Variants in CTNNA3 observed in about 807,000 individuals in gnomAD.
CTNNA3 encodes catenin alpha-3.
In CTNNA3, 76 loss-of-function variants were observed where a neutral mutation model predicts 95.7. The ratio of observed to expected loss-of-function variants is 0.79; its 90% CI spans 0.66 to 0.96. The LOEUF (loss-of-function observed/expected upper bound fraction) is 0.96. Ranked by LOEUF, CTNNA3 falls within the 40% of genes least tolerant of loss-of-function variation. CTNNA3 has a pLI of 0.00. For missense variants in CTNNA3, 1,191 were observed against 1,089.8 expected (o/e 1.09, Z -1.31); for synonymous variants, 431 against 374.4 (o/e 1.15, Z -1.74).
At chr10:67,232,376 A>G (rs879372439) in intron 5 of CTNNA3, among the ~76,000 whole-genome samples, 2,420 of 152,086 alleles carry the variant, frequency 0.016, 23 homozygotes, top group Non-Finnish European at 0.022. Context: ...TAAAGAAAAG[A>G]ATTTTCAACC....
intron 11 of CTNNA3, among the ~76,000 whole-genome samples, chr10:66,467,359 T>G (rs1299528726): frequency 1.3e-5 from 2 of 152,072 alleles, no homozygotes; most frequent in African/African-American, 4.8e-5. Flanking sequence ...CCACTCAACA[T>G]CCTCTACTTG....
At chr10:66,526,064 T>C (rs1362619959) in intron 10 of CTNNA3, among the ~76,000 whole-genome samples, 2 of 152,176 alleles carry the variant, frequency 1.3e-5, no homozygotes, top group Non-Finnish European at 2.9e-5. Context: ...CAGTGGACAT[T>C]GGGTTGTTTC....
chr10:66,964,432 G>A (rs1443242592), intron 7 of CTNNA3, among the ~76,000 whole-genome samples: 1 of 151,914 alleles, frequency 6.6e-6, no homozygotes, highest in Non-Finnish European at 1.5e-5. Context: ...TACTGTCTTG[G>A]GAGAAGGCAA....
chr10:67,524,185 C>T (rs7092210), intron 4 of CTNNA3, among the ~76,000 whole-genome samples: 5,479 of 152,008 alleles, frequency 0.036, 112 homozygotes, highest in South Asian at 0.1. Flanking sequence ...GGGCGGATCA[C>T]GAGGTCAGGA....
intron 12 of CTNNA3, among the ~76,000 whole-genome samples, chr10:66,362,434 G>T (rs2092683000): frequency 2.0e-5 from 3 of 151,742 alleles, no homozygotes; most frequent in Admixed American, 2.0e-4. Context: ...TGATAGGCCA[G>T]GTGCAGTGGC....
At chr10:66,096,936 AG>A (rs1188604394) in intron 14 of CTNNA3, among the ~76,000 whole-genome samples, 2 of 152,210 alleles carry the variant, frequency 1.3e-5, no homozygotes, top group Admixed American at 1.3e-4. Context: ...AAAAACTCCC[AG>A]TGCAGAGCCA....
chr10:66,005,677 A>G (rs1564572298), intron 15 of CTNNA3, among the ~76,000 whole-genome samples: 1 of 152,122 alleles, frequency 6.6e-6, no homozygotes, highest in Non-Finnish European at 1.5e-5. Context: ...CACATTATAT[A>G]AATACTCCTT....
intron 10 of CTNNA3, among the ~76,000 whole-genome samples, chr10:66,594,897 AG>A (rs1402316860): frequency 6.6e-6 from 1 of 152,112 alleles, no homozygotes; most frequent in East Asian, 1.9e-4. Context: ...CTGCCATATA[AG>A]TTTATTGTAA....
chr10:67,175,126 G>C (rs1419166091), intron 7 of CTNNA3, among the ~76,000 whole-genome samples: 1 of 138,092 alleles, frequency 7.2e-6, no homozygotes, highest in Non-Finnish European at 1.6e-5. Flanking sequence ...GGAAGGGATG[G>C]AGGGAAAGGG....
At chr10:67,566,039 GTGTGTATATATATATATATATA>G (rs1185208605) in intron 3 of CTNNA3, among the ~76,000 whole-genome samples, 1 of 19,892 alleles carries the variant, frequency 5.0e-5, no homozygotes, top group Admixed American at 6.5e-4. Flanking sequence ...ACATATGTGT[GTGTGTATATATATATATATATA>G]TATATATATA....
At chr10:67,108,342 C>A (rs1481119671) in intron 7 of CTNNA3, among the ~76,000 whole-genome samples, 3 of 151,952 alleles carry the variant, frequency 2.0e-5, no homozygotes, top group Non-Finnish European at 2.9e-5. Flanking sequence ...AAATTCTGGA[C>A]AATTAAGTTA....
chr10:67,045,425 T>G (rs1323227690), intron 7 of CTNNA3, among the ~76,000 whole-genome samples: 1 of 152,202 alleles, frequency 6.6e-6, no homozygotes, highest in African/African-American at 2.4e-5. Context: ...TTTTTGTTGT[T>G]GTTGTTTGTT....
chr10:66,531,631 C>G (rs998978092), intron 10 of CTNNA3, among the ~76,000 whole-genome samples: 1 of 152,080 alleles, frequency 6.6e-6, no homozygotes, highest in Non-Finnish European at 1.5e-5. Flanking sequence ...TATATACACA[C>G]AGAATTTACA....
intron 9 of CTNNA3, among the ~76,000 whole-genome samples, chr10:66,645,843 T>G (rs752085119): frequency 6.6e-6 from 1 of 152,124 alleles, no homozygotes; most frequent in Non-Finnish European, 1.5e-5. Context: ...GTGGAAAAAT[T>G]GTCTTCCATG....
intron 7 of CTNNA3, among the ~76,000 whole-genome samples, chr10:67,084,240 C>G (rs1589715834): frequency 6.6e-6 from 1 of 151,552 alleles, no homozygotes; most frequent in East Asian, 1.9e-4. Context: ...GAGTTATCCT[C>G]AAATGGTTGG....
rs146562233 is a variant in CTNNA3 at position 66,489,373 on chromosome 10, A to C, written c.1531+31244T>G. Among the ~76,000 whole-genome samples the C allele has an allele frequency of 1.1e-3, 160 of 152,306 alleles. 1 individual carries two copies. The highest frequency in any genetic ancestry group is 3.5e-3 in the African/African-American group (145 of 41,568). Reference sequence around the variant, plus strand: ...GATTGAAGGACAGCTAAATAGCTCAAGTATTCTGTGTGTTTTTGGGTTGTA... The same window carrying C: ...GATTGAAGGACAGCTAAATAGCTCACGTATTCTGTGTGTTTTTGGGTTGTA... On this transcript the variant is annotated intron_variant, in intron 11 of 17. Transcript: ENST00000433211.
At chr10:67,345,059 T>G (rs564714209) in intron 5 of CTNNA3, among the ~76,000 whole-genome samples, 1 of 152,216 alleles carries the variant, frequency 6.6e-6, no homozygotes, top group East Asian at 1.9e-4. Context: ...ATCATTTGTT[T>G]CAAAAAATTT....
At chr10:66,488,400 G>C (rs1839811157) in intron 11 of CTNNA3, among the ~76,000 whole-genome samples, 1 of 152,034 alleles carries the variant, frequency 6.6e-6, no homozygotes, top group Non-Finnish European at 1.5e-5. Context: ...TTACCAGTGA[G>C]AGCCCACTTC....
intron 5 of CTNNA3, among the ~76,000 whole-genome samples, chr10:67,358,798 C>A (rs1032292069): frequency 2.6e-5 from 4 of 152,006 alleles, no homozygotes; most frequent in African/African-American, 9.7e-5. Context: ...GTGCAGCCCA[C>A]CAGGGACCCC....
Sources: allele counts gnomAD v4.1 joint callset (sites outside exome capture counted in the v4.1 genomes callset), GRCh38; gene constraint gnomAD v4.1.1; transcripts MANE v1.5; gene names NCBI Gene and HGNC (gene_info 2026-07-23, HGNC 2026-07-21).